The following BRWD1 variants were observed in gnomAD, a reference collection of about 807,000 sequenced individuals.
The protein encoded by BRWD1 is bromodomain and WD repeat-containing protein 1.
In BRWD1, 82 loss-of-function variants were observed where a neutral mutation model predicts 251.2. The observed-to-expected ratio is 0.33, with a 90% CI of 0.27 to 0.39. BRWD1 has a LOEUF of 0.39. Among genes scored for constraint, BRWD1 ranks in the 10% least tolerant of loss-of-function variants. BRWD1 has a pLI of 1.00. For synonymous variants in BRWD1, 918 were observed against 902.8 expected (o/e 1.02, Z -0.30); for missense variants, 2,233 against 2,711.6 (o/e 0.82, Z 3.92).
chr21:39,246,643 G>A (rs958060911), intron 21 of BRWD1, among the ~76,000 whole-genome samples: 4 of 152,306 alleles, frequency 2.6e-5, no homozygotes, highest in African/African-American at 9.6e-5. Context: ...TAAACAAAAT[G>A]TGGTACATCC....
intron 9 of BRWD1, among the ~76,000 whole-genome samples, chr21:39,279,738 T>C (rs1229430919): frequency 1.3e-5 from 2 of 151,834 alleles, no homozygotes; most frequent in Non-Finnish European, 2.9e-5. Flanking sequence ...ATTTAAATTA[T>C]CAATTCAGTT....
intron 21 of BRWD1, among the ~76,000 whole-genome samples, chr21:39,242,462 T>C (rs2034036673): frequency 6.6e-6 from 1 of 152,184 alleles, no homozygotes; most frequent in Non-Finnish European, 1.5e-5. Context: ...AGAAGGCATG[T>C]CCATAACATA....
chr21:39,266,122 C>A (rs2034912250), intron 15 of BRWD1, among the ~76,000 whole-genome samples: 1 of 152,044 alleles, frequency 6.6e-6, no homozygotes, highest in Admixed American at 6.6e-5. Context: ...AACAAACTCA[C>A]GTCCACGCCC....
In BRWD1 at chr21:39,240,377, C is replaced by G. The variant is rs372212114; in HGVS notation, c.2482-1804G>C. 9.8e-5 allele frequency among the ~76,000 whole-genome samples: 15 copies of G among 152,290 alleles called. No homozygotes were observed. In the South Asian group the frequency reaches 2.9e-3, roughly 29 times the overall value. ...GGCATGGTAGCACATGCCTGTAGTC[C>G]TAGCTACTCAAGAGTCAGAAGCTGG... is the stretch of plus-strand genomic sequence containing the variant. On this transcript the variant is annotated intron_variant, in intron 21 of 40. Coordinates refer to ENST00000342449, the MANE Select transcript of BRWD1 (RefSeq NM_033656.4).
chr21:39,199,431 G>A lies in BRWD1; in HGVS notation c.4985C>T (p.Pro1662Leu). Reference sequence around the variant, plus strand: ...AGCTACAGCAGAAGCATTGCGGTGAGGCAGCTTCCGACCAGAACAGACACT... The same window carrying A: ...AGCTACAGCAGAAGCATTGCGGTGAAGCAGCTTCCGACCAGAACAGACACT... ...SESVCSGRKL[P>L]HRNASAVARK... is the part of the protein sequence containing the mutation. Residue 1662 changes from proline to leucine, a missense_variant, in exon 40 of 41, where the codon CCT (proline) becomes CTT (leucine). Coordinates refer to ENST00000342449, the MANE Select transcript of BRWD1 (RefSeq NM_033656.4). 1 of 1,614,160 alleles carries A rather than the reference G, an allele frequency of 6.2e-7. No homozygotes were observed. The highest frequency in any genetic ancestry group is 8.5e-7 in the Non-Finnish European group (1 of 1,180,028).
At position 39,238,015 on chromosome 21, in the gene BRWD1, G is replaced by A. The variant is rs571301164; in HGVS notation, c.2576+464C>T. 1.9e-4 allele frequency among the ~76,000 whole-genome samples: 29 copies of A among 152,094 alleles called. No individual in the cohort carries two copies. In the South Asian group the frequency reaches 3.1e-3, roughly 16 times the overall value. On this transcript the variant is annotated intron_variant, in intron 22 of 40. Transcript: ENST00000342449. ...AAGGAGAATTTTCTAGCCATGTTAC[G>A]GATAGGTGGACAAGAGAGATTAAGG...
intron 18 of BRWD1, among the ~76,000 whole-genome samples, chr21:39,257,972 A>C (rs953950871): frequency 5.3e-5 from 8 of 152,222 alleles, no homozygotes; most frequent in African/African-American, 1.9e-4. Context: ...ATTTTAAATG[A>C]ATAATGAAAC....
At chr21:39,249,034 A>C (rs906603661) in intron 20 of BRWD1, among the ~76,000 whole-genome samples, 2 of 130,586 alleles carry the variant, frequency 1.5e-5, no homozygotes, top group Admixed American at 7.1e-5. Flanking sequence ...ACCCAGCCAT[A>C]AAAAAAAAAC....
rs1431362429 is a variant in BRWD1 at position 39,196,423 on chromosome 21, C to G, written c.6646G>C (p.Asp2216His). The G allele has an allele frequency of 1.1e-5, 17 of 1,613,646 alleles. No homozygotes were observed. Among genetic ancestry groups the G allele is most frequent in the Non-Finnish European group, 1.2e-5 (14 of 1,179,766 alleles). The stretch of plus-strand genomic sequence containing the variant: ...TCCAAATCCTCCCAGTCATTATCAT[C>G]CACACTTAACCTAGGGCGTTTGCTT... ...RQSKRPRLSV[D>H]DNDWEDLDYA... The change falls in exon 41 of 41, where the codon GAT (aspartate) becomes CAT (histidine). Residue 2216 changes from aspartate to histidine, a missense_variant. Physicochemically the swap from Asp to His is moderately conservative, Grantham distance 81. Coordinates refer to ENST00000342449, the MANE Select transcript of BRWD1 (RefSeq NM_033656.4).
chr21:39,257,390 A>G (rs757133503), intron 18 of BRWD1, among the ~76,000 whole-genome samples: 2 of 152,172 alleles, frequency 1.3e-5, no homozygotes, highest in Non-Finnish European at 1.5e-5. Context: ...CCTGAACCCA[A>G]TTATGAGGAA....
intron 9 of BRWD1, among the ~76,000 whole-genome samples, chr21:39,279,276 A>G (rs1479605654): frequency 6.6e-6 from 1 of 152,196 alleles, no homozygotes; most frequent in African/African-American, 2.4e-5. Context: ...TAACAAAAAT[A>G]TTTTATCTAT....
intron 4 of BRWD1, among the ~76,000 whole-genome samples, chr21:39,308,459 G>A (rs575070598): frequency 6.9e-6 from 1 of 145,066 alleles, no homozygotes; most frequent in East Asian, 2.0e-4. Flanking sequence ...TCCAGCCTGG[G>A]CAACAGAATG....
At chr21:39,221,277 T>G (rs951885543) in intron 29 of BRWD1, among the ~76,000 whole-genome samples, 9 of 152,144 alleles carry the variant, frequency 5.9e-5, no homozygotes, top group Non-Finnish European at 1.0e-4. Flanking sequence ...AGTGCCTAAC[T>G]TGATGCCCCC....
At chr21:39,275,407 A>C (rs1016847819) in intron 12 of BRWD1, among the ~76,000 whole-genome samples, 3 of 152,200 alleles carry the variant, frequency 2.0e-5, no homozygotes, top group Non-Finnish European at 4.4e-5. Flanking sequence ...TAGCCAAAGA[A>C]AAACTACTTT....
At chr21:39,309,728 G>A (rs1023524521) in intron 4 of BRWD1, among the ~76,000 whole-genome samples, 11 of 151,930 alleles carry the variant, frequency 7.2e-5, no homozygotes, top group Middle Eastern at 3.4e-3. Flanking sequence ...GGGAGGCTGA[G>A]GCTGGAGAAT....
intron 17 of BRWD1, among the ~76,000 whole-genome samples, chr21:39,263,593 T>A (rs1239305756): frequency 1.3e-5 from 2 of 152,324 alleles, no homozygotes; most frequent in African/African-American, 2.4e-5. Context: ...GACAGTCATA[T>A]GCAATGATAC....
In BRWD1 at chr21:39,199,045, C is replaced by T; in HGVS notation, c.5371G>A (p.Ala1791Thr). Residue 1791 changes from alanine (A) to threonine (T), a missense_variant, in exon 40 of 41, where the codon GCA becomes ACA. This residue lies in a region of BRWD1 where 928 missense variants were observed against 970.0 expected (regional missense o/e 0.96). Coordinates refer to ENST00000342449, the MANE Select transcript of BRWD1 (RefSeq NM_033656.4). Reference protein sequence around the residue: ...KLKAESISEEADSEPGRSGGR... With the variant: ...KLKAESISEETDSEPGRSGGR... ...CCAGATCTTCCTGGTTCAGAATCTG[C>T]TTCCTCTGAGATGCTCTCTGCCTTA... 1 of 1,614,146 alleles carries T rather than the reference C, an allele frequency of 6.2e-7. No homozygotes were observed. Among genetic ancestry groups the T allele is most frequent in the South Asian group, 1.1e-5 (1 of 91,078 alleles).
chr21:39,206,124 GCTGA>G lies in BRWD1; in HGVS notation c.4344_4347del (p.Gln1449LeufsTer13). 1 of 1,609,124 alleles carries G rather than the reference GCTGA, an allele frequency of 6.2e-7. No individual in the cohort carries two copies. Among genetic ancestry groups the G allele is most frequent in the Admixed American group, 1.7e-5 (1 of 58,964 alleles). ...CCAGTTTACCTGATACTTTTGTTAG[GCTGA>G]CTGTCACCTTTACAATTTTGCCGTT... On this transcript the variant is annotated frameshift_variant, in exon 37 of 41. Coordinates refer to ENST00000342449, the MANE Select transcript of BRWD1 (RefSeq NM_033656.4). LOFTEE classifies it high-confidence loss of function.
intron 39 of BRWD1, 141 bp downstream of exon 39, chr21:39,200,078 T>C (rs1412338071): frequency 4.6e-6 from 4 of 864,766 alleles, no homozygotes; most frequent in Non-Finnish European, 6.7e-6. Flanking sequence ...AATGCCAAAA[T>C]TCATTTCCTT....
Sources: gnomAD v4.1 joint callset for allele counts (sites outside exome capture counted in the v4.1 genomes callset) on GRCh38, gnomAD v4.1.1 for gene constraint, gnomAD v4.1.1 regional missense constraint, MANE v1.5 for transcripts, NCBI Gene and HGNC (gene_info 2026-07-23, HGNC 2026-07-21) for gene names.